The following ADCY2 variants were observed in gnomAD, a reference collection of about 807,000 sequenced individuals.
ADCY2 encodes adenylate cyclase type 2.
A neutral mutation model predicts 125.2 loss-of-function variants in ADCY2; 31 were observed. The observed-to-expected ratio is 0.25, with a 90% CI of 0.19 to 0.33. The LOEUF (loss-of-function observed/expected upper bound fraction) is 0.33, where lower values mean the gene tolerates loss of function less well. Among genes scored for constraint, ADCY2 ranks in the 10% least tolerant of loss-of-function variants. The pLI, the probability that ADCY2 is intolerant of heterozygous loss-of-function variation, is 1.00. For synonymous variants in ADCY2, 512 were observed against 548.4 expected (o/e 0.93, Z 0.93); for missense variants, 904 against 1,418.2 (o/e 0.64, Z 5.82).
chr5:7,450,195 G>A (rs1470781047), intron 2 of ADCY2, among the ~76,000 whole-genome samples: 2 of 152,216 alleles, frequency 1.3e-5, no homozygotes, highest in Admixed American at 1.3e-4. Flanking sequence ...CTTAAGTCAT[G>A]ATAGGCCAAA....
intron 2 of ADCY2, among the ~76,000 whole-genome samples, chr5:7,502,980 CG>C (rs1207453077): frequency 6.6e-6 from 1 of 152,150 alleles, no homozygotes; most frequent in Non-Finnish European, 1.5e-5. Flanking sequence ...GCACTCCCTG[CG>C]GATAATCTGC....
intron 3 of ADCY2, among the ~76,000 whole-genome samples, chr5:7,608,842 A>G (rs1737475436): frequency 6.6e-6 from 1 of 152,172 alleles, no homozygotes; most frequent in Non-Finnish European, 1.5e-5. Context: ...TAAAGTATGC[A>G]TTTCTGCTAG....
At chr5:7,647,096 C>T (rs1467600225) in intron 4 of ADCY2, among the ~76,000 whole-genome samples, 1 of 152,168 alleles carries the variant, frequency 6.6e-6, no homozygotes, top group Non-Finnish European at 1.5e-5. Flanking sequence ...CCTCACTGAG[C>T]AGACTCTTTC....
chr5:7,446,841 C>A (rs1011535563), intron 2 of ADCY2, among the ~76,000 whole-genome samples: 1 of 152,186 alleles, frequency 6.6e-6, no homozygotes. Context: ...TTAGAAAGAA[C>A]TATATTTTTC....
intron 3 of ADCY2, among the ~76,000 whole-genome samples, chr5:7,610,930 G>T (rs1737554801): frequency 6.6e-6 from 1 of 152,116 alleles, no homozygotes; most frequent in African/African-American, 2.4e-5. Context: ...CTTCATTTCG[G>T]TTCTACTCCC....
At chr5:7,508,000 AT>A (rs139522505) in intron 2 of ADCY2, among the ~76,000 whole-genome samples, 26,945 of 150,814 alleles carry the variant, frequency 0.18, 2,521 homozygotes, top group African/African-American at 0.21. Context: ...TAAGCTGACA[AT>A]TTTTTTTTTC....
intron 5 of ADCY2, 189 bp downstream of exon 5, chr5:7,691,028 G>A: frequency 1.9e-6 from 1 of 528,386 alleles, no homozygotes; most frequent in Non-Finnish European, 3.0e-6. Context: ...ACATTAAGAT[G>A]AGAAAATAGG....
intron 2 of ADCY2, among the ~76,000 whole-genome samples, chr5:7,432,224 A>G (rs1198595678): frequency 6.6e-6 from 1 of 151,926 alleles, no homozygotes; most frequent in Non-Finnish European, 1.5e-5. Flanking sequence ...AGCCACTTTC[A>G]TTGGCAATAA....
At chr5:7,456,499 G>A (rs1010554156) in intron 2 of ADCY2, among the ~76,000 whole-genome samples, 11 of 152,144 alleles carry the variant, frequency 7.2e-5, no homozygotes, top group African/African-American at 2.4e-4. Flanking sequence ...AACCATGGAT[G>A]GCATCAATAA....
intron 3 of ADCY2, among the ~76,000 whole-genome samples, chr5:7,572,894 A>G (rs1291156931): frequency 1.3e-5 from 2 of 152,042 alleles, no homozygotes; most frequent in African/African-American, 4.8e-5. Flanking sequence ...AGAAGTCCTA[A>G]CCCCTAGTCC....
rs1739021615 is a variant in ADCY2 at position 7,396,265 on chromosome 5, C to T, written c.-32C>T. On this transcript the variant is annotated 5_prime_UTR_variant, in exon 1 of 25. Coordinates refer to ENST00000338316, the MANE Select transcript of ADCY2 (RefSeq NM_020546.3). The surrounding 1 kb of genome is among the most constrained non-coding windows in gnomAD (Gnocchi z 5.7). ...GGCGAGCGGCGCTGCCCGGGCCGGGCGCGCACGGCGGGCGCCCTGTGAGCG... is the reference window on the plus strand; with the variant it reads ...GGCGAGCGGCGCTGCCCGGGCCGGGTGCGCACGGCGGGCGCCCTGTGAGCG... 1.4e-5 allele frequency: 15 copies of T among 1,085,702 alleles called. No homozygotes were observed. The highest frequency in any genetic ancestry group is 1.7e-5 in the Non-Finnish European group (15 of 893,614). The allele number at this position is 1,085,702 out of a possible 1,614,324, so 67.3% of individuals were successfully genotyped here. A position where few individuals can be genotyped will look rare whatever the true frequency, so the allele number is the denominator to read the frequency against.
chr5:7,747,059 A>G (rs1742648163), intron 15 of ADCY2, among the ~76,000 whole-genome samples: 1 of 152,202 alleles, frequency 6.6e-6, no homozygotes, highest in African/African-American at 2.4e-5. Context: ...TCTCAAACAC[A>G]TGGCAGGCAT....
At chr5:7,724,408 G>GTTTTTTTT in intron 12 of ADCY2, 137 bp from the exon 13 acceptor site, 1 of 565,400 alleles carries the variant, frequency 1.8e-6, no homozygotes, top group Non-Finnish European at 3.0e-6. Flanking sequence ...GGCATCACGT[G>GTTTTTTTT]TTTTTTTTTT....
At chr5:7,671,024 C>A (rs900554346) in intron 4 of ADCY2, among the ~76,000 whole-genome samples, 1 of 152,184 alleles carries the variant, frequency 6.6e-6, no homozygotes, top group African/African-American at 2.4e-5. Flanking sequence ...TTGAGGAAAT[C>A]AATCTTTAAT....
chr5:7,755,788 A>G (rs75296343), intron 15 of ADCY2, among the ~76,000 whole-genome samples: 5,207 of 152,306 alleles, frequency 0.034, 296 homozygotes, highest in African/African-American at 0.12. Flanking sequence ...CAACTGTTGT[A>G]TCAACATTGA....
At chr5:7,735,074 T>C (rs910626234) in intron 14 of ADCY2, among the ~76,000 whole-genome samples, 3 of 152,066 alleles carry the variant, frequency 2.0e-5, no homozygotes, top group African/African-American at 7.2e-5. Context: ...ATTCAACAGA[T>C]AGATTTTGGG....
chr5:7,662,118 C>T (rs1192247403), intron 4 of ADCY2, among the ~76,000 whole-genome samples: 1 of 152,184 alleles, frequency 6.6e-6, no homozygotes, highest in Non-Finnish European at 1.5e-5. Flanking sequence ...TTGTTAATCA[C>T]TGTCACTCAA....
intron 16 of ADCY2, among the ~76,000 whole-genome samples, chr5:7,760,300 C>A (rs1269464256): frequency 6.6e-6 from 1 of 152,208 alleles, no homozygotes; most frequent in Non-Finnish European, 1.5e-5. Flanking sequence ...CACTGCCAAG[C>A]ACCAAGTGGA....
intron 3 of ADCY2, among the ~76,000 whole-genome samples, chr5:7,534,767 T>C (rs1378105301): frequency 6.6e-6 from 1 of 152,180 alleles, no homozygotes; most frequent in Non-Finnish European, 1.5e-5. Context: ...GCTAAGGCAG[T>C]GTGGCGGTGT....
Sources: allele counts gnomAD v4.1 joint callset (sites outside exome capture counted in the v4.1 genomes callset), GRCh38; gene constraint gnomAD v4.1.1; non-coding constraint Gnocchi (gnomAD v3.1); transcripts MANE v1.5; gene names NCBI Gene and HGNC (gene_info 2026-07-23, HGNC 2026-07-21).